Variants in IQSEC1 observed in about 807,000 individuals in gnomAD.
IQSEC1 encodes the protein IQ motif and SEC7 domain-containing protein 1.
In IQSEC1, 31 loss-of-function variants were observed where a neutral mutation model predicts 91.0. That is an observed-to-expected ratio of 0.34 (90% CI 0.26 to 0.46). IQSEC1 has a LOEUF of 0.46. Among genes scored for constraint, IQSEC1 ranks in the 20% least tolerant of loss-of-function variants. IQSEC1 has a pLI of 1.00. For missense variants in IQSEC1, 1,388 were observed against 1,575.6 expected (o/e 0.88, Z 2.02); for synonymous variants, 699 against 662.6 (o/e 1.05, Z -0.84).
intron 2 of IQSEC1, among the ~76,000 whole-genome samples, chr3:13,083,373 A>C (rs1473792021): frequency 2.0e-5 from 3 of 152,192 alleles, no homozygotes; most frequent in African/African-American, 7.2e-5. Context: ...AGCAGATAAC[A>C]ACCGTGGAGT....
chr3:13,079,238 C>T (rs1007934372), intron 2 of IQSEC1, among the ~76,000 whole-genome samples: 1 of 152,232 alleles, frequency 6.6e-6, no homozygotes, highest in African/African-American at 2.4e-5. Context: ...TGGCCCCATC[C>T]CTGTGGCCCT....
At chr3:12,961,159 C>A (rs1047771516) in intron 1 of IQSEC1, among the ~76,000 whole-genome samples, 6 of 152,234 alleles carry the variant, frequency 3.9e-5, no homozygotes, top group Admixed American at 2.6e-4. Context: ...GCTCCAGAAG[C>A]AGCCCCAGGT....
At chr3:13,209,737 C>A (rs1459492390) in intron 1 of IQSEC1, among the ~76,000 whole-genome samples, 1 of 152,248 alleles carries the variant, frequency 6.6e-6, no homozygotes. Context: ...CTCCTTCCTC[C>A]CGAGAGCCTG....
At chr3:13,038,598 G>GGGT (rs1704134519) in intron 1 of IQSEC1, among the ~76,000 whole-genome samples, 1 of 152,052 alleles carries the variant, frequency 6.6e-6, no homozygotes, top group African/African-American at 2.4e-5. Flanking sequence ...TAGCACAATA[G>GGGT]GGTGACTATA....
intron 1 of IQSEC1, among the ~76,000 whole-genome samples, chr3:13,032,793 C>G (rs1703894611): frequency 1.3e-5 from 2 of 152,134 alleles, no homozygotes; most frequent in Non-Finnish European, 1.5e-5. Flanking sequence ...ACCGTGTTAG[C>G]CAGGATGGTC....
chr3:13,222,549 C>T (rs1477311998), intron 1 of IQSEC1, among the ~76,000 whole-genome samples: 2 of 152,216 alleles, frequency 1.3e-5, no homozygotes, highest in Admixed American at 6.5e-5. Flanking sequence ...AACCACCACA[C>T]CGTTTCCCAC....
At chr3:13,222,762 C>T (rs1256882470) in intron 1 of IQSEC1, among the ~76,000 whole-genome samples, 1 of 152,268 alleles carries the variant, frequency 6.6e-6, no homozygotes, top group South Asian at 2.1e-4. Context: ...TCAGAGTGCT[C>T]GATGTGCCAA....
chr3:13,239,689 G>A (rs891769965), intron 1 of IQSEC1, among the ~76,000 whole-genome samples: 2 of 152,264 alleles, frequency 1.3e-5, no homozygotes, highest in East Asian at 1.9e-4. Flanking sequence ...GTTCCCAGCC[G>A]TGTGCCCACA....
intron 13 of IQSEC1, 40 bp from the exon 14 acceptor site, chr3:12,901,562 T>C: frequency 6.8e-7 from 1 of 1,479,260 alleles, no homozygotes; most frequent in South Asian, 1.3e-5. Flanking sequence ...TAAAAGATCT[T>C]CAAGCACTTA....
In IQSEC1 at chr3:12,935,595, T is replaced by G; in HGVS notation, c.1421A>C (p.Glu474Ala). 6.2e-7 allele frequency: 1 copy of G among 1,614,140 alleles called. No homozygotes were observed. The highest frequency in any genetic ancestry group is 8.5e-7 in the Non-Finnish European group (1 of 1,180,038). The change falls in exon 3 of 14, where the codon GAG (glutamate) becomes GCG (alanine). Residue 474 changes from glutamate to alanine, a missense_variant. Transcript: ENST00000613206. The surrounding 1 kb of genome is among the most constrained non-coding windows in gnomAD (Gnocchi z 8.0). Reference protein sequence around the residue: ...NSNDTINCSSESSSRDSLREQ... With the variant: ...NSNDTINCSSASSSRDSLREQ... ...CCGCAGGCTGTCACGGGACGATGAC[T>G]CGGAGCTGCAGTTGATGGTATCGTT...
Position 12,922,016 on chromosome 3 carries a change from G to A in IQSEC1, c.1853+104C>T, listed in dbSNP as rs904473359. 4 of 1,390,532 alleles carry A rather than the reference G, an allele frequency of 2.9e-6. No individual in the cohort carries two copies. In the African/African-American group the frequency reaches 5.9e-5, roughly 20 times the overall value. 86.1% of individuals were successfully genotyped at this position (1,390,532 alleles called of 1,614,324 possible). A position where few individuals can be genotyped will look rare whatever the true frequency, so the allele number is the denominator to read the frequency against. ...GCAACATTCAGGGACACCTGGCCCT[G>A]TCTAGGGATGGTGGGGATGCAGTCT... On this transcript the variant is annotated intron_variant, in intron 5 of 13. Coordinates refer to ENST00000613206, the MANE Select transcript of IQSEC1 (RefSeq NM_001134382.3). The surrounding 1 kb of genome is among the most constrained non-coding windows in gnomAD (Gnocchi z 5.1).
chr3:13,100,070 G>C (rs1706031789), intron 2 of IQSEC1, among the ~76,000 whole-genome samples: 1 of 148,006 alleles, frequency 6.8e-6, no homozygotes. Context: ...AGGATGGGAG[G>C]AGTCCGCTGG....
intron 1 of IQSEC1, among the ~76,000 whole-genome samples, chr3:13,198,107 T>C (rs1459847956): frequency 6.6e-6 from 1 of 152,008 alleles, no homozygotes; most frequent in African/African-American, 2.4e-5. Context: ...TGTGAAGAGG[T>C]GCTGAGCTCA....
intron 1 of IQSEC1, among the ~76,000 whole-genome samples, chr3:12,986,459 T>G (rs1559700343): frequency 6.6e-6 from 1 of 152,232 alleles, no homozygotes. Flanking sequence ...AGCCTCAGTT[T>G]CCTCATCTAT....
At chr3:13,029,440 C>T (rs780794155) in intron 1 of IQSEC1, among the ~76,000 whole-genome samples, 1 of 152,236 alleles carries the variant, frequency 6.6e-6, no homozygotes, top group Non-Finnish European at 1.5e-5. Context: ...ATAACCGCTA[C>T]ATAACACGGC....
At chr3:13,016,485 G>A (rs1003792965) in intron 1 of IQSEC1, among the ~76,000 whole-genome samples, 4 of 152,162 alleles carry the variant, frequency 2.6e-5, no homozygotes, top group African/African-American at 7.2e-5. Context: ...TTACCCAGCC[G>A]TGGCTCTCCC....
intron 2 of IQSEC1, among the ~76,000 whole-genome samples, chr3:13,148,249 G>A (rs1706929129): frequency 6.6e-6 from 1 of 152,156 alleles, no homozygotes; most frequent in Non-Finnish European, 1.5e-5. Context: ...GCACCATAGA[G>A]ACACTCATCA....
At chr3:13,127,382 C>G (rs1706532622) in intron 2 of IQSEC1, among the ~76,000 whole-genome samples, 1 of 151,988 alleles carries the variant, frequency 6.6e-6, no homozygotes, top group Non-Finnish European at 1.5e-5. Flanking sequence ...CCATTGCACT[C>G]CAGCCTAAGC....
Position 13,154,452 on chromosome 3 carries a change from T to TACACACATAC in IQSEC1, c.302+9651_302+9652insGTATGTGTGT, listed in dbSNP as rs1559265498. Among the ~76,000 whole-genome samples the TACACACATAC allele has an allele frequency of 2.3e-4, 24 of 104,264 alleles. 8 individuals are homozygous for TACACACATAC. In the East Asian group the frequency reaches 5.8e-3, roughly 25 times the overall value. The allele number at this position is 104,264 out of a possible 152,430, so 68.4% of individuals were successfully genotyped here. A position where few individuals can be genotyped will look rare whatever the true frequency, so the allele number is the denominator to read the frequency against. ...GAACTTACATGCATATATATATATA[T>TACACACATAC]ATATATATATATATATATATATATG... On this transcript the variant is annotated intron_variant, in intron 2 of 15. Coordinates refer to the IQSEC1 transcript ENST00000648114.
Sources: allele counts gnomAD v4.1 joint callset (sites outside exome capture counted in the v4.1 genomes callset), GRCh38; gene constraint gnomAD v4.1.1; non-coding constraint Gnocchi (gnomAD v3.1); transcripts MANE v1.5; gene names NCBI Gene and HGNC (gene_info 2026-07-23, HGNC 2026-07-21).